The following NFATC1 variants were observed in gnomAD, a reference collection of about 807,000 sequenced individuals.
NFATC1 encodes nuclear factor of activated T-cells, cytoplasmic 1.
In NFATC1, 22 loss-of-function variants were observed where a neutral mutation model predicts 76.0. The observed-to-expected ratio is 0.29, with a 90% CI of 0.21 to 0.41. The LOEUF (loss-of-function observed/expected upper bound fraction) is 0.41, where lower values mean the gene tolerates loss of function less well. Among genes scored for constraint, NFATC1 ranks in the 10% least tolerant of loss-of-function variants. The probability of loss-of-function intolerance (pLI) is 1.00; values close to 1 mark genes in which losing one functional copy is unlikely to be tolerated. For missense variants in NFATC1, 1,357 were observed against 1,337.7 expected (o/e 1.01, Z -0.23); for synonymous variants, 704 against 613.1 (o/e 1.15, Z -2.19).
At chr18:79,525,085 ACCCCTCAGGCCTCCCCACGTCCCACC>A (rs2145244885) in intron 9 of NFATC1, among the ~76,000 whole-genome samples, 1 of 52,594 alleles carries the variant, frequency 1.9e-5, no homozygotes, top group African/African-American at 9.4e-5. Context: ...CACCGTCGTT[ACCCCTCAGGCCTCCCCACGTCCCACC>A]GTCGTTACCC....
At chr18:79,476,636 C>A (rs35674676) in intron 8 of NFATC1, among the ~76,000 whole-genome samples, 8,029 of 152,236 alleles carry the variant, frequency 0.053, 610 homozygotes, top group East Asian at 0.28. Context: ...AAGCCCCCCA[C>A]CGATGTTGCT....
chr18:79,472,937 G>A (rs992197232), intron 8 of NFATC1, among the ~76,000 whole-genome samples: 10 of 152,316 alleles, frequency 6.6e-5, no homozygotes, highest in East Asian at 1.9e-4. Flanking sequence ...CCCCTCGTGC[G>A]CCCTCCAAGG....
intron 9 of NFATC1, among the ~76,000 whole-genome samples, chr18:79,506,532 TC>T (rs1287657013): frequency 6.6e-6 from 1 of 152,234 alleles, no homozygotes; most frequent in Non-Finnish European, 1.5e-5. Context: ...ATAACGTGGT[TC>T]ATTGGCCTCT....
chr18:79,412,480 A>C (rs1160767466), intron 2 of NFATC1, among the ~76,000 whole-genome samples: 1 of 73,200 alleles, frequency 1.4e-5, no homozygotes, highest in African/African-American at 5.4e-5. Context: ...CTCCTTTTTT[A>C]TTAGCGAGCA....
rs553462038 is a variant in NFATC1 at position 79,432,066 on chromosome 18, C to T, written c.1227-1513C>T. ...CTGAGGTGTGGGGGCCTTCGGGGGG[C>T]TCGGGAGGCAGTTTCCTTTAACTTG... On this transcript the variant is annotated intron_variant, in intron 2 of 9. Coordinates refer to ENST00000427363, the MANE Select transcript of NFATC1 (RefSeq NM_001278669.2). 7.2e-5 allele frequency among the ~76,000 whole-genome samples: 11 copies of T among 152,264 alleles called. No individual in the cohort carries two copies. In the South Asian group the frequency reaches 2.3e-3, roughly 32 times the overall value.
intron 6 of NFATC1, among the ~76,000 whole-genome samples, chr18:79,458,808 G>A (rs1045202911): frequency 5.9e-5 from 9 of 152,234 alleles, no homozygotes; most frequent in Non-Finnish European, 1.2e-4. Context: ...GGCGGGACGC[G>A]GCCCTGCGTC....
At chr18:79,455,832 G>A (rs570643224) in intron 6 of NFATC1, among the ~76,000 whole-genome samples, 3 of 141,532 alleles carry the variant, frequency 2.1e-5, no homozygotes, top group South Asian at 2.3e-4. Flanking sequence ...ATGTTACCAC[G>A]TGGAGAAGAC....
rs900346628 is a variant in NFATC1, at chr18:79,524,171, G to A, written c.2783-3357G>A. The A allele has an allele frequency of 1.3e-5, 2 of 152,246 alleles. No homozygotes were observed. The highest frequency in any genetic ancestry group is 4.8e-5 in the African/African-American group (2 of 41,506). 9.4% of individuals were successfully genotyped at this position (152,246 alleles called of 1,614,324 possible). ...GCTCGTGGCGGGAAGGAGTTGGGGG[G>A]TGGGGGGGCGGTCCTGTCTTTCAGC... is the stretch of plus-strand genomic sequence containing the variant. On this transcript the variant is annotated intron_variant, in intron 9 of 9. Transcript: ENST00000427363. The surrounding 1 kb of genome is among the most constrained non-coding windows in gnomAD (Gnocchi z 7.2).
At chr18:79,422,256 CA>C (rs1176326330) in intron 2 of NFATC1, 2 of 152,240 alleles carry the variant, frequency 1.3e-5, no homozygotes, top group Non-Finnish European at 2.9e-5. Flanking sequence ...TGCAATATGA[CA>C]TTTCTGGTTT....
intron 1 of NFATC1, among the ~76,000 whole-genome samples, chr18:79,403,475 G>A (rs1229898933): frequency 6.6e-6 from 1 of 152,246 alleles, no homozygotes; most frequent in Non-Finnish European, 1.5e-5. Context: ...CTGGGGCTCA[G>A]GAAATAGCTG....
At chr18:79,473,256 CT>C (rs1208167688) in intron 8 of NFATC1, among the ~76,000 whole-genome samples, 1 of 152,388 alleles carries the variant, frequency 6.6e-6, no homozygotes, top group Non-Finnish European at 1.5e-5. Flanking sequence ...CTGTGGGCCC[CT>C]CATCCCTGTT....
chr18:79,469,475 G>A, intron 8 of NFATC1: 2 of 985,414 alleles, frequency 2.0e-6, no homozygotes, highest in Non-Finnish European at 2.4e-6. Flanking sequence ...GAAGCCGGTG[G>A]GGCTGAGCCG....
intron 9 of NFATC1, among the ~76,000 whole-genome samples, chr18:79,508,030 A>AT (rs2090157414): frequency 6.6e-6 from 1 of 152,248 alleles, no homozygotes; most frequent in Non-Finnish European, 1.5e-5. Context: ...TATCACTCAG[A>AT]TTTAAGAACC....
rs150813751 is a variant in NFATC1 at position 79,494,190 on chromosome 18, G to C, written c.2782+7253G>C. ...AGCCAGCGACCGCGAGGGACAGTGA[G>C]AAAGGCGAGAGCGGGCACACGCCCC... On this transcript the variant is annotated intron_variant, in intron 9 of 9. Coordinates refer to ENST00000427363, the MANE Select transcript of NFATC1 (RefSeq NM_001278669.2). Among the ~76,000 whole-genome samples the C allele has an allele frequency of 2.7e-3, 410 of 151,904 alleles. 3 individuals are homozygous for C. Among genetic ancestry groups the C allele is most frequent in the African/African-American group, 9.6e-3 (397 of 41,142 alleles).
intron 9 of NFATC1, among the ~76,000 whole-genome samples, chr18:79,521,469 A>ATGTC: frequency 3.3e-5 from 1 of 30,680 alleles, no homozygotes; most frequent in Non-Finnish European, 5.6e-5. Context: ...ACTGATGTGT[A>ATGTC]TGTGTGTGTG....
Position 79,486,731 on chromosome 18 carries a change from C to A in NFATC1, c.2576C>A (p.Thr859Asn). The A allele has an allele frequency of 6.3e-7, 1 of 1,599,438 alleles. No individual in the cohort carries two copies. The highest frequency in any genetic ancestry group is 1.1e-5 in the South Asian group (1 of 90,010). The change falls in exon 9 of 10, where the codon ACC (threonine) becomes AAC (asparagine). Residue 859 changes from threonine (T) to asparagine (N), a missense_variant. Thr to Asn is a moderately conservative substitution (Grantham distance 65). Around this residue, in one of 3 missense-constraint regions of NFATC1, gnomAD observed 424 missense variants for 395.4 expected, o/e 1.07. Coordinates refer to ENST00000427363, the MANE Select transcript of NFATC1 (RefSeq NM_001278669.2). ...CTCCCGCCTGCCACCCAAGAGCCGA[C>A]CTGCCTGCAGCCCTGCAGCCCAGCG... Reference protein sequence around the residue: ...PPLPPATQEPTCLQPCSPACP... With the variant: ...PPLPPATQEPNCLQPCSPACP...
At chr18:79,418,806 G>A (rs1230185869) in intron 2 of NFATC1, among the ~76,000 whole-genome samples, 1 of 152,228 alleles carries the variant, frequency 6.6e-6, no homozygotes, top group Non-Finnish European at 1.5e-5. Context: ...ACACTTGGAG[G>A]GCGGGGTTTG....
At chr18:79,455,581 A>C (rs1410304862) in intron 6 of NFATC1, among the ~76,000 whole-genome samples, 2 of 152,130 alleles carry the variant, frequency 1.3e-5, no homozygotes, top group African/African-American at 2.4e-5. Flanking sequence ...GCAGGGAGAC[A>C]CACAGAAATG....
intron 3 of NFATC1, among the ~76,000 whole-genome samples, chr18:79,443,489 A>G (rs1282150386): frequency 1.3e-5 from 2 of 152,178 alleles, no homozygotes; most frequent in Non-Finnish European, 2.9e-5. Context: ...TGTCATGGGA[A>G]GGGGCCTGGA....
Sources: allele counts gnomAD v4.1 joint callset (sites outside exome capture counted in the v4.1 genomes callset), GRCh38; gene constraint gnomAD v4.1.1; regional missense constraint gnomAD v4.1.1; non-coding constraint Gnocchi (gnomAD v3.1); transcripts MANE v1.5; gene names NCBI Gene and HGNC (gene_info 2026-07-23, HGNC 2026-07-21).